Variants in SYNE1 observed in about 807,000 individuals in gnomAD.
SYNE1 encodes the protein spectrin repeat containing nuclear envelope protein 1, also known as nesprin-1.
Under a neutral mutation model 1,111.0 loss-of-function variants are expected in SYNE1, and 616 were observed. That is an observed-to-expected ratio of 0.55 (90% CI 0.52 to 0.59). The LOEUF (loss-of-function observed/expected upper bound fraction) is 0.59. Among genes scored for constraint, SYNE1 ranks in the 20% least tolerant of loss-of-function variants. The pLI is 0.00. For synonymous variants in SYNE1, 3,855 were observed against 3,825.8 expected (o/e 1.01, Z -0.28); for missense variants, 10,006 against 10,417.0 (o/e 0.96, Z 1.72).
At chr6:152,460,791 T>C (rs1189362366) in intron 21 of SYNE1, among the ~76,000 whole-genome samples, 5 of 144,180 alleles carry the variant, frequency 3.5e-5, no homozygotes, top group Non-Finnish European at 7.5e-5. Context: ...GGTATAAATG[T>C]ATATAATCTT....
At chr6:152,390,774 G>C (rs559287270) in intron 52 of SYNE1, among the ~76,000 whole-genome samples, 2 of 152,286 alleles carry the variant, frequency 1.3e-5, no homozygotes, top group Non-Finnish European at 2.9e-5. Context: ...AAACCCAGCA[G>C]TCCCCTACAT....
Position 152,376,567 on chromosome 6 carries a change from G to A in SYNE1, c.9147-9C>T. 6.2e-7 allele frequency: 1 copy of A among 1,613,602 alleles called. No individual in the cohort carries two copies. The highest frequency in any genetic ancestry group is 1.3e-5 in the African/African-American group (1 of 75,016). On this transcript the variant is annotated splice_polypyrimidine_tract_variant and intron_variant, in intron 57 of 145. Coordinates refer to ENST00000367255, the MANE Select transcript of SYNE1 (RefSeq NM_182961.4). The stretch of plus-strand genomic sequence containing the variant: ...ATGCTTGCAAACAAAGACTGAAAAG[G>A]TGACGCAAAAATTTAATGGCAGGAA...
At chr6:152,307,946 C>T (rs2095428656) in intron 91 of SYNE1, among the ~76,000 whole-genome samples, 1 of 152,140 alleles carries the variant, frequency 6.6e-6, no homozygotes, top group African/African-American at 2.4e-5. Flanking sequence ...GCTTCTCCTG[C>T]CTCAACCTCC....
chr6:152,178,244 A>T (rs1335278437), intron 129 of SYNE1, among the ~76,000 whole-genome samples: 1 of 151,776 alleles, frequency 6.6e-6, no homozygotes, highest in East Asian at 1.9e-4. Context: ...AAATTTAGTA[A>T]AAAAAAAGCA....
At chr6:152,273,755 A>G (rs529292556) in intron 98 of SYNE1, among the ~76,000 whole-genome samples, 1 of 152,362 alleles carries the variant, frequency 6.6e-6, no homozygotes, top group African/African-American at 2.4e-5. Context: ...GATAATAGCT[A>G]GAGCTTAGTA....
chr6:152,531,239 A>T (rs2099199348), intron 4 of SYNE1, among the ~76,000 whole-genome samples: 1 of 152,206 alleles, frequency 6.6e-6, no homozygotes, highest in African/African-American at 2.4e-5. Context: ...GCTAAGATCC[A>T]TGGTAAGAAT....
intron 128 of SYNE1, among the ~76,000 whole-genome samples, chr6:152,182,145 T>C (rs1254730165): frequency 4.6e-5 from 7 of 152,210 alleles, no homozygotes; most frequent in Non-Finnish European, 8.8e-5. Flanking sequence ...ATTATATATA[T>C]ACAATGGGCT....
In SYNE1 at chr6:152,387,276, T is replaced by C. The variant is rs544191127; in HGVS notation, c.8283A>G (p.Gln2761=). Residue 2761 remains glutamine (Q), a synonymous_variant, in exon 54 of 146, where the codon CAA becomes CAG. Coordinates refer to ENST00000367255, the MANE Select transcript of SYNE1 (RefSeq NM_182961.4). ...SVDQKIEHPL[Q]PQPGLKEKFV... ...ACTTCTCTTTCAGACCTGGCTGTGGTTGTAAGGGATGTTCTATTTTTTGAT... is the reference window on the plus strand; with the variant it reads ...ACTTCTCTTTCAGACCTGGCTGTGGCTGTAAGGGATGTTCTATTTTTTGAT... The C allele has an allele frequency of 3.1e-6, 5 of 1,614,134 alleles. No homozygotes were observed. The South Asian group carries it at 3.3e-5, about 11-fold the overall frequency.
intron 32 of SYNE1, among the ~76,000 whole-genome samples, chr6:152,437,976 T>C (rs983978051): frequency 1.3e-5 from 2 of 152,128 alleles, no homozygotes; most frequent in African/African-American, 4.8e-5. Context: ...ATTGTGCCAC[T>C]GCACTCCAGC....
chr6:152,527,997 G>A (rs11962175), intron 4 of SYNE1, among the ~76,000 whole-genome samples: 4,088 of 152,150 alleles, frequency 0.027, 213 homozygotes, highest in African/African-American at 0.094. Context: ...GATCAGCAGC[G>A]ACAGCTGAAC....
chr6:152,153,393 C>T (rs896589946), intron 133 of SYNE1, among the ~76,000 whole-genome samples: 12 of 152,190 alleles, frequency 7.9e-5, no homozygotes, highest in Non-Finnish European at 1.8e-4. Flanking sequence ...CAGCTAAAGA[C>T]TGCCCCCAAG....
chr6:152,302,003 T>C lies in SYNE1; in HGVS notation c.17407A>G (p.Lys5803Glu). The C allele has an allele frequency of 6.2e-7, 1 of 1,614,260 alleles. No individual in the cohort carries two copies. Among genetic ancestry groups the C allele is most frequent in the South Asian group, 1.1e-5 (1 of 91,086 alleles). Reference sequence around the variant, plus strand: ...TGCTTGGCTTTCATCGTCAGCATCTTGCACTTGGAATTCAAAGAAGCGATC... The same window carrying C: ...TGCTTGGCTTTCATCGTCAGCATCTCGCACTTGGAATTCAAAGAAGCGATC... ...EQIASLNSKC[K>E]MLTMKAKHAT... The change falls in exon 92 of 146, where the codon AAG (lysine) becomes GAG (glutamate). Residue 5803 changes from lysine to glutamate, a missense_variant. This residue lies in a region of SYNE1 where 4,955 missense variants were observed against 5,017.2 expected (regional missense o/e 0.99). Coordinates refer to ENST00000367255, the MANE Select transcript of SYNE1 (RefSeq NM_182961.4).
At chr6:152,374,662 T>C (rs1206128842) in intron 58 of SYNE1, among the ~76,000 whole-genome samples, 1 of 152,094 alleles carries the variant, frequency 6.6e-6, no homozygotes, top group Non-Finnish European at 1.5e-5. Flanking sequence ...TAATCCCAGA[T>C]ACTCAGGAGG....
At chr6:152,579,950 T>C (rs534370352) in intron 3 of SYNE1, among the ~76,000 whole-genome samples, 30 of 152,318 alleles carry the variant, frequency 2.0e-4, no homozygotes, top group Admixed American at 9.8e-4. Flanking sequence ...GTCTTTGCGA[T>C]TGTGAAGAGT....
chr6:152,133,986 TTCTAAGAC>T (rs1377024446), intron 142 of SYNE1: 1 of 171,712 alleles, frequency 5.8e-6, no homozygotes, highest in Non-Finnish European at 1.3e-5. Context: ...TCCTCTAGGT[TTCTAAGAC>T]TATTATGGTA....
At chr6:152,246,451 G>A (rs1381666412) in intron 105 of SYNE1, among the ~76,000 whole-genome samples, 4 of 151,778 alleles carry the variant, frequency 2.6e-5, no homozygotes, top group Non-Finnish European at 5.9e-5. Flanking sequence ...AGTGAGCTCC[G>A]GGAAAATTAA....
intron 3 of SYNE1, among the ~76,000 whole-genome samples, chr6:152,575,004 C>T (rs186330135): frequency 6.6e-6 from 1 of 152,232 alleles, no homozygotes; most frequent in East Asian, 1.9e-4. Flanking sequence ...TGGAATTATG[C>T]TTTCTTAAGA....
intron 13 of SYNE1, among the ~76,000 whole-genome samples, chr6:152,484,587 T>C (rs1352661596): frequency 6.6e-6 from 1 of 152,092 alleles, no homozygotes; most frequent in African/African-American, 2.4e-5. Flanking sequence ...CTTTAATCTA[T>C]CATCTAGTTA....
intron 128 of SYNE1, among the ~76,000 whole-genome samples, chr6:152,183,143 G>A (rs902365251): frequency 2.0e-5 from 3 of 152,258 alleles, no homozygotes; most frequent in South Asian, 4.1e-4. Flanking sequence ...TGAGAGCCGC[G>A]TGCACTCTGA....
Sources: gnomAD v4.1 joint callset for allele counts (sites outside exome capture counted in the v4.1 genomes callset) on GRCh38, gnomAD v4.1.1 for gene constraint, gnomAD v4.1.1 regional missense constraint, MANE v1.5 for transcripts, NCBI Gene and HGNC (gene_info 2026-07-23, HGNC 2026-07-21) for gene names.